LCE1E: variants seen among roughly 807,000 people sequenced by gnomAD.
LCE1E encodes the protein late cornified envelope protein 1E.
For missense variants in LCE1E, 144 were observed against 144.3 expected (o/e 1.00, Z 0.01); for synonymous variants, 61 against 55.0 (o/e 1.11, Z -0.48).
chr1:152,787,222 A>T, intron 1 of LCE1E, 56 bp from the exon 2 acceptor site: 1 of 1,476,048 alleles, frequency 6.8e-7, no homozygotes, highest in Non-Finnish European at 9.4e-7. Context: ...TAAGAGTGTC[A>T]GAGGGGCAGA....
intron 1 of LCE1E, 136 bp from the exon 2 acceptor site, chr1:152,787,142 T>G: frequency 3.5e-6 from 3 of 859,296 alleles, no homozygotes; most frequent in Non-Finnish European, 5.6e-6. Context: ...AAAGAGATGA[T>G]GAGAGAATTT....
At chr1:152,786,900 G>A (rs975762355) in intron 1 of LCE1E, among the ~76,000 whole-genome samples, 2 of 152,176 alleles carry the variant, frequency 1.3e-5, no homozygotes, top group Non-Finnish European at 2.9e-5. Flanking sequence ...GGATATTGCA[G>A]AGTAAAACTA....
Position 152,787,658 on chromosome 1 carries a change from G to A in LCE1E, c.*2G>A, listed in dbSNP as rs1437465351. ...CAGCACTCTGGAGGCTGCTGCTGAA[G>A]TGGACCTTGACTTCCTCTTCCTTCT... On this transcript the variant is annotated 3_prime_UTR_variant, in exon 2 of 2. Transcript: ENST00000368770. 5.8e-6 allele frequency: 9 copies of A among 1,555,894 alleles called. No homozygotes were observed. In the African/African-American group the frequency reaches 1.1e-4, roughly 19 times the overall value.
In LCE1E at chr1:152,787,727, T is replaced by G; in HGVS notation, c.*71T>G. ...GAGAGGTTCCAGCAAAAGCTTGAAG[T>G]CTTGCCTGGAGAATCCCTCTGCTCT... is the stretch of plus-strand genomic sequence containing the variant. On this transcript the variant is annotated 3_prime_UTR_variant, in exon 2 of 2. Coordinates refer to ENST00000368770, the MANE Select transcript of LCE1E (RefSeq NM_178353.2). 6.7e-7 allele frequency: 1 copy of G among 1,491,468 alleles called. No homozygotes were observed. The highest frequency in any genetic ancestry group is 9.0e-7 in the Non-Finnish European group (1 of 1,114,054). 92.4% of individuals were successfully genotyped at this position (1,491,468 alleles called of 1,614,324 possible). A position where few individuals can be genotyped will look rare whatever the true frequency, so the allele number is the denominator to read the frequency against.
At chr1:152,787,141 A>T in intron 1 of LCE1E, 137 bp from the exon 2 acceptor site, 3 of 857,672 alleles carry the variant, frequency 3.5e-6, no homozygotes, top group Non-Finnish European at 5.6e-6. Flanking sequence ...CAAAGAGATG[A>T]TGAGAGAATT....
Position 152,787,289 on chromosome 1 carries a change from C to T in LCE1E, c.-11C>T. The T allele has an allele frequency of 6.2e-7, 1 of 1,613,836 alleles. No homozygotes were observed. The highest frequency in any genetic ancestry group is 1.1e-5 in the South Asian group (1 of 91,052). On this transcript the variant is annotated 5_prime_UTR_variant, in exon 2 of 2. Transcript: ENST00000368770. Reference sequence around the variant, plus strand: ...TGACTCTCCCTCAGCTCCTAAGTACCTACTGCCGAGATGTCCTGCCAGCAG... The same window carrying T: ...TGACTCTCCCTCAGCTCCTAAGTACTTACTGCCGAGATGTCCTGCCAGCAG...
rs528518200 is a variant in LCE1E, at chr1:152,787,321, C to T, written c.22C>T (p.Gln8Ter). 6.8e-6 allele frequency: 11 copies of T among 1,614,146 alleles called. No individual in the cohort carries two copies. The East Asian group carries it at 2.2e-4, about 33-fold the overall frequency. ...CGAGATGTCCTGCCAGCAGAGCCAG[C>T]AGCAGTGCCAGCCCCCTCCCAAGTG... MSCQQSQ[Q>*]QCQPPPKCTP... is the part of the protein sequence containing the mutation. The change falls in exon 2 of 2, where the codon CAG becomes TAG. Residue 8 changes from glutamine (Q) to a stop codon, truncating the protein, a stop_gained. Transcript: ENST00000368770. LOFTEE classifies it low-confidence loss of function (END_TRUNC).
In LCE1E at chr1:152,787,937, T is replaced by A; in HGVS notation, c.*281T>A. ...TCTGCCCCCCAACTTGCTACCAGCC[T>A]GCTTGATTTTCCTGTTTGTGTCATC... On this transcript the variant is annotated 3_prime_UTR_variant, in exon 2 of 2. Transcript: ENST00000368770. The A allele has an allele frequency of 7.1e-6, 3 of 421,048 alleles. No homozygotes were observed. The South Asian group carries it at 1.4e-4, about 20-fold the overall frequency. 26.1% of individuals were successfully genotyped at this position (421,048 alleles called of 1,614,324 possible).
At chr1:152,787,145 G>A in intron 1 of LCE1E, 133 bp from the exon 2 acceptor site, 1 of 889,032 alleles carries the variant, frequency 1.1e-6, no homozygotes, top group East Asian at 2.4e-5. Flanking sequence ...GAGATGATGA[G>A]AGAATTTGGG....
At position 152,787,283 on chromosome 1, in the gene LCE1E, A is replaced by G; in HGVS notation, c.-17A>G. 2 of 1,613,648 alleles carry G rather than the reference A, an allele frequency of 1.2e-6. No individual in the cohort carries two copies. The highest frequency in any genetic ancestry group is 1.7e-5 in the Admixed American group (1 of 60,016). On this transcript the variant is annotated 5_prime_UTR_variant, in exon 2 of 2. Coordinates refer to ENST00000368770, the MANE Select transcript of LCE1E (RefSeq NM_178353.2). ...TCTGTCTGACTCTCCCTCAGCTCCT[A>G]AGTACCTACTGCCGAGATGTCCTGC...
In LCE1E at chr1:152,787,614, C is replaced by T. The variant is rs1651888726; in HGVS notation, c.315C>T (p.Cys105=). ...GCCAGCCCTCAGGGGGCTCCAGCTG[C>T]TGTGGAGGGGGCAGCGGCCAGCACT... ...CCSQPSGGSS[C]CGGGSGQHSG... The change falls in exon 2 of 2, where the codon TGC becomes TGT. Residue 105 remains cysteine, a synonymous_variant. Transcript: ENST00000368770. The T allele has an allele frequency of 1.2e-6, 2 of 1,603,286 alleles. No individual in the cohort carries two copies. Among genetic ancestry groups the T allele is most frequent in the East Asian group, 2.2e-5 (1 of 44,610 alleles).
chr1:152,787,494 G>A lies in LCE1E; in HGVS notation c.195G>A (p.Gly65=), dbSNP rs1557834912. 7 of 1,613,568 alleles carry A rather than the reference G, an allele frequency of 4.3e-6. No homozygotes were observed. The African/African-American group carries it at 8.0e-5, about 18-fold the overall frequency. ...SSGGSCGSSS[G]GCCSSGGGGC... The stretch of plus-strand genomic sequence containing the variant: ...GGGGCAGCTGTGGCTCCAGCTCTGG[G>A]GGCTGCTGCAGCTCTGGGGGAGGTG... Residue 65 remains glycine (G), a synonymous_variant, in exon 2 of 2, where the codon GGG becomes GGA. Coordinates refer to ENST00000368770, the MANE Select transcript of LCE1E (RefSeq NM_178353.2).
At chr1:152,787,072 G>T (rs1372588904) in intron 1 of LCE1E, among the ~76,000 whole-genome samples, 1 of 152,108 alleles carries the variant, frequency 6.6e-6, no homozygotes, top group East Asian at 1.9e-4. Flanking sequence ...TTGTAATATT[G>T]TTTGGTCTTA....
Position 152,787,653 on chromosome 1 carries a change from C to G in LCE1E, c.354C>G (p.Cys118Trp), listed in dbSNP as rs1651891390. ...GGSGQHSGGC[C>W] ...GCGGCCAGCACTCTGGAGGCTGCTG[C>G]TGAAGTGGACCTTGACTTCCTCTTC... Residue 118 changes from cysteine (C) to tryptophan (W), a missense_variant, in exon 2 of 2, where the codon TGC becomes TGG. Transcript: ENST00000368770. 6 of 1,558,690 alleles carry G rather than the reference C, an allele frequency of 3.8e-6. No homozygotes were observed. The highest frequency in any genetic ancestry group is 5.2e-6 in the Non-Finnish European group (6 of 1,155,300).
Position 152,787,984 on chromosome 1 carries a change from T to C in LCE1E, c.*328T>C, listed in dbSNP as rs1298569665. ...CATCCTTGTTCTGCTCCCCTGTGTC[T>C]GCTGGTGGCTGCTGAGGCCTTGGTG... is the stretch of plus-strand genomic sequence containing the variant. On this transcript the variant is annotated 3_prime_UTR_variant, in exon 2 of 2. Coordinates refer to ENST00000368770, the MANE Select transcript of LCE1E (RefSeq NM_178353.2). The C allele has an allele frequency of 3.7e-6, 1 of 271,450 alleles. No individual in the cohort carries two copies. Among genetic ancestry groups the C allele is most frequent in the East Asian group, 5.1e-5 (1 of 19,452 alleles). 16.8% of individuals were successfully genotyped at this position (271,450 alleles called of 1,614,324 possible).
chr1:152,787,139 T>C, intron 1 of LCE1E, 139 bp from the exon 2 acceptor site: 1 of 847,646 alleles, frequency 1.2e-6, no homozygotes, highest in Non-Finnish European at 1.9e-6. Context: ...TGCAAAGAGA[T>C]GATGAGAGAA....
rs1209632493 is a variant in LCE1E, at chr1:152,787,221, C to T, written c.-22-57C>T. 2.0e-6 allele frequency: 3 copies of T among 1,464,638 alleles called. No individual in the cohort carries two copies. In the African/African-American group the frequency reaches 4.2e-5, roughly 20 times the overall value. 90.7% of individuals were successfully genotyped at this position (1,464,638 alleles called of 1,614,324 possible). On this transcript the variant is annotated intron_variant, in intron 1 of 1. Transcript: ENST00000368770. ...TAATTACAAGTCATGCTAAGAGTGT[C>T]AGAGGGGCAGAGGTGGCCTCTGCCT...
intron 1 of LCE1E, 78 bp from the exon 2 acceptor site, chr1:152,787,200 T>G: frequency 7.7e-7 from 1 of 1,298,198 alleles, no homozygotes; most frequent in Admixed American, 2.0e-5. Flanking sequence ...TTTCCATAAT[T>G]ACAAGTCATG....
chr1:152,787,486 A>C lies in LCE1E; in HGVS notation c.187A>C (p.Ser63Arg). Residue 63 changes from serine (S) to arginine (R), a missense_variant, in exon 2 of 2, where the codon AGC becomes CGC. Transcript: ENST00000368770. ...CAGCTCTGGGGGCAGCTGTGGCTCC[A>C]GCTCTGGGGGCTGCTGCAGCTCTGG... ...GSSSGGSCGS[S>R]SGGCCSSGGG... The C allele has an allele frequency of 6.2e-7, 1 of 1,613,644 alleles. No homozygotes were observed. Among genetic ancestry groups the C allele is most frequent in the South Asian group, 1.1e-5 (1 of 91,040 alleles).
Sources: allele counts gnomAD v4.1 joint callset (sites outside exome capture counted in the v4.1 genomes callset), GRCh38; gene constraint gnomAD v4.1.1; transcripts MANE v1.5; gene names NCBI Gene and HGNC (gene_info 2026-07-23, HGNC 2026-07-21).